Variants in ZNF581 observed in about 807,000 individuals in gnomAD.
ZNF581 encodes the protein zinc finger protein 581.
A neutral mutation model predicts 1.2 loss-of-function variants in ZNF581; 1 was observed. The observed-to-expected ratio is 0.83, with a 90% CI of 0.30 to 3.95. The LOEUF (loss-of-function observed/expected upper bound fraction) is 3.95, where lower values mean the gene tolerates loss of function less well. ZNF581 is among the 30% of genes most tolerant of loss of function. The probability of loss-of-function intolerance (pLI) is 0.18; values close to 1 mark genes in which losing one functional copy is unlikely to be tolerated. For synonymous variants in ZNF581, 105 were observed against 109.2 expected (o/e 0.96, Z 0.24); for missense variants, 273 against 274.6 (o/e 0.99, Z 0.04).
At chr19:55,636,913 A>C (rs1982126416), upstream of ZNF581, among the ~76,000 whole-genome samples, 2 of 152,112 alleles carry the variant, frequency 1.3e-5, no homozygotes, top group African/African-American at 2.4e-5. Flanking sequence ...GGGCAAGGGA[A>C]AGCCAGCACC....
At chr19:55,643,393 C>T, upstream of ZNF581, 1 of 252,110 alleles carries the variant, frequency 4.0e-6, no homozygotes, top group Non-Finnish European at 8.1e-6. Context: ...AGCACGGGCA[C>T]GGTCTGGTTC....
upstream of ZNF581, among the ~76,000 whole-genome samples, chr19:55,638,865 C>T (rs1271294318): frequency 3.3e-5 from 5 of 151,648 alleles, no homozygotes; most frequent in Admixed American, 6.6e-5. Context: ...TACAGCTGGG[C>T]GTGGTAGTGC....
chr19:55,637,635 G>A (rs1321842486), upstream of ZNF581, among the ~76,000 whole-genome samples: 1 of 152,182 alleles, frequency 6.6e-6, no homozygotes, highest in Non-Finnish European at 1.5e-5. Flanking sequence ...GTGGTGGTTT[G>A]CGCTGGGGTG....
chr19:55,641,228 GC>G, upstream of ZNF581: 1 of 971,792 alleles, frequency 1.0e-6, no homozygotes. Flanking sequence ...CTGGGACGAC[GC>G]CGGGGCCAGG....
upstream of ZNF581, chr19:55,641,231 G>A (rs978149385): frequency 4.0e-5 from 39 of 970,616 alleles, no homozygotes; most frequent in Non-Finnish European, 4.8e-5. Context: ...GGACGACGCC[G>A]GGGCCAGGCA....
upstream of ZNF581, chr19:55,641,076 C>G: frequency 1.0e-6 from 1 of 985,340 alleles, no homozygotes; most frequent in South Asian, 4.7e-5. Flanking sequence ...GCCGCCGGCC[C>G]GGAGCTGCCC....
upstream of ZNF581, chr19:55,641,997 C>T: frequency 2.2e-6 from 2 of 912,260 alleles, no homozygotes; most frequent in Non-Finnish European, 1.2e-6. Context: ...GACGGAGGGC[C>T]AGGAGGCCGA....
chr19:55,644,458 TC>T lies in ZNF581; in HGVS notation c.-19-93del. On this transcript the variant is annotated intron_variant, in intron 1 of 1. Coordinates refer to ENST00000270451, the MANE Select transcript of ZNF581 (RefSeq NM_016535.4). The surrounding 1 kb of genome is among the most constrained non-coding windows in gnomAD (Gnocchi z 4.3). Reference sequence around the variant, plus strand: ...ACTGAGGGGCAGCAGGATGCAGAGGTCCTGGGCCGGGTATAGGGAGGGAAAA... The same window carrying T: ...ACTGAGGGGCAGCAGGATGCAGAGGTCTGGGCCGGGTATAGGGAGGGAAAA... 1.3e-6 allele frequency: 1 copy of T among 764,192 alleles called. No individual in the cohort carries two copies. 47.3% of individuals were successfully genotyped at this position (764,192 alleles called of 1,614,324 possible).
rs1982780828 is a variant in ZNF581, at chr19:55,645,184, C to G, written c.*19C>G. On this transcript the variant is annotated 3_prime_UTR_variant, in exon 2 of 2. Transcript: ENST00000270451. ...TCCATGAGCCGGGCTGCCGGGTGCC[C>G]CAGGTACCACAGGACTTTGCAGGGA... 6.6e-7 allele frequency: 1 copy of G among 1,510,486 alleles called. No individual in the cohort carries two copies. The highest frequency in any genetic ancestry group is 2.2e-5 in the Admixed American group (1 of 44,714). 93.6% of individuals were successfully genotyped at this position (1,510,486 alleles called of 1,614,324 possible). A position where few individuals can be genotyped will look rare whatever the true frequency, so the allele number is the denominator to read the frequency against.
chr19:55,639,006 CAAAAAAA>C (rs753198174), upstream of ZNF581, among the ~76,000 whole-genome samples: 6 of 88,200 alleles, frequency 6.8e-5, no homozygotes, highest in East Asian at 3.4e-4. Context: ...ACTCCATCTC[CAAAAAAA>C]AAAAAAAAAA....
chr19:55,640,562 C>T (rs577889365), upstream of ZNF581: 32 of 985,386 alleles, frequency 3.2e-5, no homozygotes, highest in African/African-American at 5.4e-4. Context: ...CAGCGTCTGG[C>T]CTTCTCCGGG....
upstream of ZNF581, chr19:55,635,210 G>T (rs1982026648): frequency 6.6e-6 from 1 of 152,428 alleles, no homozygotes; most frequent in African/African-American, 2.4e-5. Context: ...AGGGGCTACG[G>T]TGACCAGGGG....
rs766927249 is a variant in ZNF581, at chr19:55,645,352, C to G, written c.*187C>G. The stretch of plus-strand genomic sequence containing the variant: ...GAGTAATCTTCAGGTCCTCCGTGTT[C>G]TGGAGCTGAGATGGGAATGAGCCCC... On this transcript the variant is annotated 3_prime_UTR_variant, in exon 2 of 2. Transcript: ENST00000270451. 3 of 508,546 alleles carry G rather than the reference C, an allele frequency of 5.9e-6. No homozygotes were observed. Among genetic ancestry groups the G allele is most frequent in the Non-Finnish European group, 1.0e-5 (3 of 288,002 alleles). The allele number at this position is 508,546 out of a possible 1,614,324, so 31.5% of individuals were successfully genotyped here.
Position 55,644,648 on chromosome 19 carries a change from G to T in ZNF581, c.77G>T (p.Arg26Leu). The change falls in exon 2 of 2, where the codon CGG (arginine) becomes CTG (leucine). Residue 26 changes from arginine (R) to leucine (L), a missense_variant. Coordinates refer to ENST00000270451, the MANE Select transcript of ZNF581 (RefSeq NM_016535.4). The surrounding 1 kb of genome is among the most constrained non-coding windows in gnomAD (Gnocchi z 4.3). The part of the protein sequence containing the change: ...SVETMEGPPR[R>L]TCRSPEPGPS... ...GAGACCATGGAGGGCCCTCCCCGTC[G>T]GACTTGCCGCTCCCCAGAACCTGGA... 3.1e-6 allele frequency: 5 copies of T among 1,611,072 alleles called. No homozygotes were observed. Among genetic ancestry groups the T allele is most frequent in the Non-Finnish European group, 4.2e-6 (5 of 1,178,710 alleles).
At chr19:55,642,752 C>T (rs114142434), upstream of ZNF581, 3 of 1,533,536 alleles carry the variant, frequency 2.0e-6, no homozygotes, top group Admixed American at 2.0e-5. Context: ...GCGCGAGGCG[C>T]CCCCAGGAGA....
upstream of ZNF581, chr19:55,642,042 G>A: frequency 1.0e-6 from 1 of 985,960 alleles, no homozygotes; most frequent in South Asian, 4.7e-5. Flanking sequence ...GGGCGGCAAA[G>A]GGAGGGGAAG....
upstream of ZNF581, chr19:55,640,679 T>A: frequency 1.0e-6 from 1 of 985,334 alleles, no homozygotes; most frequent in Non-Finnish European, 1.2e-6. Flanking sequence ...GGCAGGAACA[T>A]CCCTTCTCCC....
chr19:55,642,621 C>G, upstream of ZNF581: 1 of 1,458,692 alleles, frequency 6.9e-7, no homozygotes, highest in Non-Finnish European at 9.0e-7. Context: ...CCCTCCTCCA[C>G]TCCTTCCTCG....
At chr19:55,640,347 A>G, upstream of ZNF581, 1 of 985,472 alleles carries the variant, frequency 1.0e-6, no homozygotes, top group Non-Finnish European at 1.2e-6. Context: ...AGCCCGCATC[A>G]GGCTTCCAGT....
Sources: gnomAD v4.1 joint callset for allele counts (sites outside exome capture counted in the v4.1 genomes callset) on GRCh38, gnomAD v4.1.1 for gene constraint, Gnocchi (gnomAD v3.1) non-coding constraint, MANE v1.5 for transcripts, NCBI Gene and HGNC (gene_info 2026-07-23, HGNC 2026-07-21) for gene names.